Variants in ANK3 observed in about 807,000 individuals in gnomAD.
ANK3 encodes the protein ankyrin-3.
In ANK3, 57 loss-of-function variants were observed where a neutral mutation model predicts 370.9. That is an observed-to-expected ratio of 0.15 (90% CI 0.12 to 0.19). ANK3 has a LOEUF of 0.19. Among genes scored for constraint, ANK3 ranks in the 10% least tolerant of loss-of-function variants. ANK3 has a pLI of 1.00. For synonymous variants in ANK3, 1,929 were observed against 1,946.3 expected (o/e 0.99, Z 0.23); for missense variants, 4,439 against 5,302.1 (o/e 0.84, Z 5.06).
At chr10:60,715,881 G>T (rs1269794296) in intron 1 of ANK3, among the ~76,000 whole-genome samples, 1 of 118,196 alleles carries the variant, frequency 8.5e-6, no homozygotes, top group East Asian at 2.5e-4. Flanking sequence ...CAATCAGCTT[G>T]ACTGTACTCC....
At chr10:60,577,544 C>A (rs1354378927) in intron 2 of ANK3, among the ~76,000 whole-genome samples, 1 of 152,024 alleles carries the variant, frequency 6.6e-6, no homozygotes, top group Admixed American at 6.6e-5. Context: ...AGTTTCCCTG[C>A]ACAAGTTCTG....
At chr10:60,390,399 G>A (rs997720329), upstream of ANK3, among the ~76,000 whole-genome samples, 1 of 152,156 alleles carries the variant, frequency 6.6e-6, no homozygotes, top group African/African-American at 2.4e-5. Flanking sequence ...TGGGGTCTGA[G>A]GGTCAGGAAT....
At chr10:60,639,672 C>T (rs2078603191) in intron 1 of ANK3, among the ~76,000 whole-genome samples, 1 of 151,692 alleles carries the variant, frequency 6.6e-6, no homozygotes, top group South Asian at 2.1e-4. Flanking sequence ...ATAGAGCAAT[C>T]CATAGACAAA....
At chr10:60,304,905 G>C (rs2044656973) in intron 1 of ANK3, among the ~76,000 whole-genome samples, 1 of 152,122 alleles carries the variant, frequency 6.6e-6, no homozygotes, top group Non-Finnish European at 1.5e-5. Context: ...CTATGCTTTA[G>C]CAGGGAGGCC....
At chr10:60,315,582 A>C (rs1593571136) in intron 1 of ANK3, among the ~76,000 whole-genome samples, 1 of 152,344 alleles carries the variant, frequency 6.6e-6, no homozygotes, top group South Asian at 2.1e-4. Flanking sequence ...CTAACAATTA[A>C]AATGGAAATG....
intron 2 of ANK3, among the ~76,000 whole-genome samples, chr10:60,550,035 T>C (rs1273438217): frequency 6.6e-6 from 1 of 152,064 alleles, no homozygotes; most frequent in Non-Finnish European, 1.5e-5. Flanking sequence ...TTCATTGAAG[T>C]GAACTAGAAT....
intron 1 of ANK3, among the ~76,000 whole-genome samples, chr10:60,682,765 T>A (rs74155689): frequency 0.052 from 7,891 of 152,268 alleles, 285 homozygotes; most frequent in African/African-American, 0.085. Context: ...AGGGGAGGGC[T>A]TGGAAGCTGT....
chr10:60,374,182 C>T (rs991605890), intron 1 of ANK3, among the ~76,000 whole-genome samples: 8 of 151,876 alleles, frequency 5.3e-5, no homozygotes, highest in African/African-American at 1.5e-4. Flanking sequence ...GGACCAGTGT[C>T]AGGGTCCTCG....
chr10:60,410,492 C>G (rs148884508), intron 2 of ANK3, among the ~76,000 whole-genome samples: 195 of 152,116 alleles, frequency 1.3e-3, no homozygotes, highest in African/African-American at 4.5e-3. Flanking sequence ...AGAAGGAAGA[C>G]GTAACCAAAA....
At chr10:60,469,597 G>A (rs1338323659) in intron 2 of ANK3, among the ~76,000 whole-genome samples, 1 of 6,468 alleles carries the variant, frequency 1.5e-4, no homozygotes, top group African/African-American at 1.2e-3. Flanking sequence ...ATATATATAT[G>A]GTGGTATATA....
intron 2 of ANK3, among the ~76,000 whole-genome samples, chr10:60,473,108 A>T (rs905656448): frequency 8.5e-5 from 13 of 152,200 alleles, no homozygotes; most frequent in Non-Finnish European, 1.6e-4. Context: ...AATATCAAAT[A>T]AAAAAAGATA....
At chr10:60,528,347 G>T (rs1393789100) in intron 2 of ANK3, among the ~76,000 whole-genome samples, 3 of 151,826 alleles carry the variant, frequency 2.0e-5, no homozygotes, top group African/African-American at 7.3e-5. Flanking sequence ...TGTTGGCCAG[G>T]CTGGTCTTGA....
At chr10:60,226,500 A>AGTATATATACATAGTATATATACTAT (rs1565820328) in intron 8 of ANK3, among the ~76,000 whole-genome samples, 14 of 82,784 alleles carry the variant, frequency 1.7e-4, no homozygotes, top group African/African-American at 4.0e-4. Flanking sequence ...CATATACTAT[A>AGTATATATACATAGTATATATACTAT]GTATATATAC....
chr10:60,166,537 G>T, intron 23 of ANK3, 54 bp downstream of exon 23: 2 of 1,311,140 alleles, frequency 1.5e-6, no homozygotes, highest in East Asian at 4.7e-5. Context: ...GATAAGAAAT[G>T]AAAGATAAAG....
At chr10:60,419,486 T>G (rs533482087) in intron 2 of ANK3, among the ~76,000 whole-genome samples, 1 of 152,164 alleles carries the variant, frequency 6.6e-6, no homozygotes, top group Admixed American at 6.6e-5. Context: ...CCTCCTGGGC[T>G]GGCAGAAAAA....
At chr10:60,263,666 G>A (rs1381273134) in intron 6 of ANK3, among the ~76,000 whole-genome samples, 169 bp downstream of exon 6, 1 of 152,008 alleles carries the variant, frequency 6.6e-6, no homozygotes, top group Non-Finnish European at 1.5e-5. Flanking sequence ...AACTTCTCAT[G>A]TGAAGGGAGG....
At chr10:60,236,977 A>G (rs761246993) in intron 7 of ANK3, among the ~76,000 whole-genome samples, 14 of 152,364 alleles carry the variant, frequency 9.2e-5, no homozygotes, top group Non-Finnish European at 1.2e-4. Flanking sequence ...CTTTATTTAT[A>G]AAAACAGGCA....
At chr10:60,430,612 G>A (rs1184535329) in intron 2 of ANK3, among the ~76,000 whole-genome samples, 4 of 152,132 alleles carry the variant, frequency 2.6e-5, no homozygotes, top group African/African-American at 7.2e-5. Context: ...GGCAATCGAT[G>A]GGTATGGTTA....
intron 1 of ANK3, among the ~76,000 whole-genome samples, chr10:60,702,891 AG>A (rs1419687145): frequency 6.6e-6 from 1 of 152,226 alleles, no homozygotes; most frequent in Non-Finnish European, 1.5e-5. Context: ...CTTACAAAAA[AG>A]TATCCAAGCT....
Sources: allele counts gnomAD v4.1 joint callset (sites outside exome capture counted in the v4.1 genomes callset), GRCh38; gene constraint gnomAD v4.1.1; transcripts MANE v1.5; gene names NCBI Gene and HGNC (gene_info 2026-07-23, HGNC 2026-07-21).